CCDC3: variants seen among roughly 807,000 people sequenced by gnomAD.
CCDC3 encodes coiled-coil domain-containing protein 3.
Under a neutral mutation model 21.4 loss-of-function variants are expected in CCDC3, and 24 were observed. That is an observed-to-expected ratio of 1.12 (90% CI 0.81 to 1.58). The LOEUF (loss-of-function observed/expected upper bound fraction) is 1.58. CCDC3 is among the 40% of genes most tolerant of loss of function. The probability of loss-of-function intolerance (pLI) is 0.00; values close to 1 mark genes in which losing one functional copy is unlikely to be tolerated. For missense variants in CCDC3, 425 were observed against 360.9 expected, an observed-to-expected ratio of 1.18 and a Z score of -1.44; for synonymous variants, 186 against 166.0, an observed-to-expected ratio of 1.12 and a Z score of -0.93.
At position 12,997,313 on chromosome 10, in the gene CCDC3, T is replaced by C. The variant is rs377041753; in HGVS notation, c.549+1025A>G. On this transcript the variant is annotated intron_variant, in intron 2 of 2. Coordinates refer to ENST00000378825, the MANE Select transcript of CCDC3 (RefSeq NM_031455.4). ...ACTCTCTCTCCAGCAGTGTGTCACA[T>C]TGCCCTAAAAATGTCTTCAATCGGG... is the stretch of plus-strand genomic sequence containing the variant. Among the ~76,000 whole-genome samples the C allele has an allele frequency of 2.5e-4, 38 of 151,870 alleles. No individual in the cohort carries two copies. In the East Asian group the frequency reaches 5.8e-3, roughly 23 times the overall value.
intron 2 of CCDC3, among the ~76,000 whole-genome samples, chr10:12,943,005 C>A (rs1834857470): frequency 6.6e-6 from 1 of 152,074 alleles, no homozygotes; most frequent in Admixed American, 6.6e-5. Context: ...AGGGCTCTGT[C>A]TTTATGTTTA....
chr10:12,970,004 T>C (rs761930615), intron 2 of CCDC3, among the ~76,000 whole-genome samples: 21 of 152,214 alleles, frequency 1.4e-4, no homozygotes, highest in Non-Finnish European at 2.9e-4. Context: ...TAAAACAGGA[T>C]AGCCTGCAAT....
At chr10:13,025,681 C>T (rs1306582846) in intron 5 of CCDC3, among the ~76,000 whole-genome samples, 1 of 152,090 alleles carries the variant, frequency 6.6e-6, no homozygotes, top group Non-Finnish European at 1.5e-5. Flanking sequence ...TGGCCTTTTC[C>T]TACTATCAAT....
chr10:13,051,759 G>C (rs1836610611), intron 4 of CCDC3, among the ~76,000 whole-genome samples: 1 of 152,108 alleles, frequency 6.6e-6, no homozygotes, highest in Admixed American at 6.6e-5. Context: ...GTGAGAATCA[G>C]CGTCCCAGAC....
chr10:12,939,828 A>C (rs915878036), intron 2 of CCDC3, among the ~76,000 whole-genome samples: 1 of 152,236 alleles, frequency 6.6e-6, no homozygotes, highest in Non-Finnish European at 1.5e-5. Flanking sequence ...TAACAACAAC[A>C]ACGACAACAA....
At position 12,935,766 on chromosome 10, in the gene CCDC3, C is replaced by G. The variant is rs112301584; in HGVS notation, c.550-37087G>C. Among the ~76,000 whole-genome samples, 904 of 151,878 alleles carry G rather than the reference C, an allele frequency of 6.0e-3. 8 individuals carry two copies. Among genetic ancestry groups the G allele is most frequent in the African/African-American group, 0.021 (852 of 41,366 alleles). ...CTGCAAGCTCCGCCTCGCAGGTTCA[C>G]GCCATTCTCCTGCCTCAACCTCTAG... On this transcript the variant is annotated intron_variant, in intron 2 of 2. Transcript: ENST00000378825.
intron 2 of CCDC3, among the ~76,000 whole-genome samples, chr10:12,932,689 C>G (rs1005904656): frequency 3.3e-5 from 5 of 152,064 alleles, no homozygotes; most frequent in Non-Finnish European, 5.9e-5. Flanking sequence ...ATAGAACTTC[C>G]AATATGATGT....
rs192894741 is a variant in CCDC3 at position 12,904,226 on chromosome 10, C to A, written c.550-5547G>T. Among the ~76,000 whole-genome samples the A allele has an allele frequency of 1.0e-2, 1,517 of 151,856 alleles. 12 individuals are homozygous for A. The highest frequency in any genetic ancestry group is 0.027 in the African/African-American group (1,101 of 41,406). On this transcript the variant is annotated intron_variant, in intron 2 of 2. Transcript: ENST00000378825. ...TCTCGCCTGTAATCCCAGCACTTTG[C>A]GAGGCTGAGGTGGGAGGACTGCGTG...
chr10:13,024,411 T>C (rs1287482201), intron 5 of CCDC3, among the ~76,000 whole-genome samples: 1 of 152,172 alleles, frequency 6.6e-6, no homozygotes, highest in Non-Finnish European at 1.5e-5. Context: ...GAAAATACTT[T>C]TAAGATTCTT....
At chr10:13,028,638 T>C (rs1317857377) in intron 5 of CCDC3, among the ~76,000 whole-genome samples, 2 of 152,062 alleles carry the variant, frequency 1.3e-5, no homozygotes, top group Non-Finnish European at 2.9e-5. Context: ...ATCAGAAAAA[T>C]GGTATTGGAG....
At chr10:13,034,702 A>AAAACAAAC (rs142897479) in intron 5 of CCDC3, among the ~76,000 whole-genome samples, 2,147 of 151,190 alleles carry the variant, frequency 0.014, 48 homozygotes, top group African/African-American at 0.048. Flanking sequence ...CTCACTGTAA[A>AAAACAAAC]AAACAAACAA....
chr10:12,955,303 C>T (rs979963981), intron 2 of CCDC3, among the ~76,000 whole-genome samples: 6 of 152,180 alleles, frequency 3.9e-5, no homozygotes, highest in African/African-American at 1.4e-4. Context: ...CTTGGGCAAC[C>T]TGTAGTCTTT....
intron 5 of CCDC3, among the ~76,000 whole-genome samples, chr10:13,016,606 C>G (rs1836065506): frequency 6.6e-6 from 1 of 151,896 alleles, no homozygotes. Context: ...TGAATCCCTT[C>G]CCCCGGGGTC....
intron 2 of CCDC3, among the ~76,000 whole-genome samples, chr10:12,912,104 T>A (rs964333641): frequency 2.0e-5 from 3 of 152,352 alleles, no homozygotes; most frequent in East Asian, 3.9e-4. Context: ...TCAGTGAACA[T>A]GGGAGTGTAG....
chr10:13,057,855 C>T (rs866335269), intron 4 of CCDC3: 1 of 402,246 alleles, frequency 2.5e-6, no homozygotes, highest in Middle Eastern at 8.8e-4. Flanking sequence ...TACTCCAGCC[C>T]AGATGACAGT....
intron 2 of CCDC3, among the ~76,000 whole-genome samples, chr10:12,901,711 CACTA>C (rs375640752): frequency 2.8e-4 from 43 of 152,342 alleles, no homozygotes; most frequent in African/African-American, 8.9e-4. Context: ...AGTAAACGTT[CACTA>C]ACTGTTAGCC....
chr10:13,058,797 G>A (rs1191512266), intron 4 of CCDC3: 1 of 195,014 alleles, frequency 5.1e-6, no homozygotes, highest in Non-Finnish European at 1.1e-5. Flanking sequence ...GTTGTTTGGA[G>A]GTGGATGATG....
intron 3 of CCDC3, among the ~76,000 whole-genome samples, chr10:13,077,941 A>G (rs1464960550): frequency 1.3e-5 from 2 of 152,250 alleles, no homozygotes; most frequent in Non-Finnish European, 2.9e-5. Context: ...TTCAGGACAT[A>G]GGCATGGGCA....
chr10:13,031,934 C>G (rs1836309706), intron 5 of CCDC3, among the ~76,000 whole-genome samples: 1 of 152,144 alleles, frequency 6.6e-6, no homozygotes, highest in Non-Finnish European at 1.5e-5. Context: ...TGGTACCATT[C>G]CTTCTGAAAC....
Sources: gnomAD v4.1 joint callset for allele counts (sites outside exome capture counted in the v4.1 genomes callset) on GRCh38, gnomAD v4.1.1 for gene constraint, MANE v1.5 for transcripts, NCBI Gene and HGNC (gene_info 2026-07-23, HGNC 2026-07-21) for gene names.